GRM5: variants seen among roughly 807,000 people sequenced by gnomAD.
GRM5 encodes the protein metabotropic glutamate receptor 5.
A neutral mutation model predicts 83.1 loss-of-function variants in GRM5; 19 were observed. The ratio of observed to expected loss-of-function variants is 0.23; its 90% confidence interval spans 0.16 to 0.34. The LOEUF is 0.34. GRM5 is among the 10% of genes least tolerant of loss of function. The probability of loss-of-function intolerance (pLI) is 1.00; values close to 1 mark genes in which losing one functional copy is unlikely to be tolerated. For synonymous variants in GRM5, 675 were observed against 633.6 expected (o/e 1.07, Z -0.98); for missense variants, 1,160 against 1,588.3 (o/e 0.73, Z 4.58).
chr11:89,059,896 G>T (rs557832163), intron 1 of GRM5, among the ~76,000 whole-genome samples: 2 of 152,000 alleles, frequency 1.3e-5, no homozygotes, highest in South Asian at 2.1e-4. Flanking sequence ...TCTAACTTGT[G>T]CAATTTATTC....
At chr11:88,934,589 CAGT>C (rs932042093) in intron 2 of GRM5, among the ~76,000 whole-genome samples, 1 of 151,852 alleles carries the variant, frequency 6.6e-6, no homozygotes, top group African/African-American at 2.4e-5. Context: ...GTACTACATT[CAGT>C]TGTACATCGT....
chr11:88,896,495 CT>C (rs1201888652), intron 2 of GRM5, among the ~76,000 whole-genome samples: 35 of 23,170 alleles, frequency 1.5e-3, no homozygotes, highest in African/African-American at 5.4e-3. Context: ...AATCTATTAT[CT>C]ATCTATCTGT....
intron 3 of GRM5, among the ~76,000 whole-genome samples, chr11:88,838,985 T>C (rs1373335225): frequency 4.0e-5 from 3 of 74,314 alleles, no homozygotes; most frequent in Admixed American, 2.8e-4. Flanking sequence ...TTTCTAAACT[T>C]TTAAGCTATA....
rs533657168 is a variant in GRM5 at position 88,691,740 on chromosome 11, C to T, written c.912-38337G>A. 7.2e-5 allele frequency among the ~76,000 whole-genome samples: 11 copies of T among 152,256 alleles called. No individual in the cohort carries two copies. In the East Asian group the frequency reaches 9.6e-4, roughly 13 times the overall value. The stretch of plus-strand genomic sequence containing the variant: ...ACTTGTCTCTTTTCTATGACTTACA[C>T]GCCCCAAAACCAGGCATTTAATCAG... On this transcript the variant is annotated intron_variant, in intron 3 of 9. Transcript: ENST00000305447.
intron 3 of GRM5, among the ~76,000 whole-genome samples, chr11:88,798,892 C>A (rs1943337440): frequency 1.3e-5 from 2 of 148,512 alleles, no homozygotes; most frequent in Non-Finnish European, 3.0e-5. Flanking sequence ...CCAGGGAAGA[C>A]TCAAAAGGAG....
chr11:88,727,167 T>C (rs1317819937), intron 3 of GRM5, among the ~76,000 whole-genome samples: 1 of 152,146 alleles, frequency 6.6e-6, no homozygotes, highest in African/African-American at 2.4e-5. Context: ...AAGACGCACA[T>C]AGGCTCAAAA....
chr11:88,593,471 A>G (rs1022331320), intron 6 of GRM5, among the ~76,000 whole-genome samples: 1 of 151,890 alleles, frequency 6.6e-6, no homozygotes, highest in Non-Finnish European at 1.5e-5. Flanking sequence ...AGGTCAGCAG[A>G]TCGAGACCAT....
At chr11:88,547,954 A>T (rs1455540149) in intron 8 of GRM5, among the ~76,000 whole-genome samples, 1 of 152,168 alleles carries the variant, frequency 6.6e-6, no homozygotes, top group African/African-American at 2.4e-5. Context: ...CTACCAACTA[A>T]TGGAAATATT....
intron 4 of GRM5, among the ~76,000 whole-genome samples, chr11:88,609,765 T>A (rs1837041569): frequency 6.6e-6 from 1 of 152,246 alleles, no homozygotes; most frequent in South Asian, 2.1e-4. Flanking sequence ...TTTTTGTTTT[T>A]GTTGCAATTG....
At chr11:88,886,939 ATC>A (rs1945054047) in intron 2 of GRM5, among the ~76,000 whole-genome samples, 1 of 152,136 alleles carries the variant, frequency 6.6e-6, no homozygotes, top group Admixed American at 6.5e-5. Flanking sequence ...CACAGGGAGC[ATC>A]TCTCTCTGCC....
intron 7 of GRM5, among the ~76,000 whole-genome samples, chr11:88,585,381 G>C (rs1943291773): frequency 6.6e-6 from 1 of 152,220 alleles, no homozygotes; most frequent in South Asian, 2.1e-4. Context: ...AATTGGAACA[G>C]TGAAAGTGCT....
intron 1 of GRM5, among the ~76,000 whole-genome samples, chr11:89,064,444 G>C (rs1306463607): frequency 6.6e-6 from 1 of 152,130 alleles, no homozygotes; most frequent in East Asian, 1.9e-4. Flanking sequence ...CATTTCCACA[G>C]ACCTCTCAGC....
chr11:88,879,996 A>G (rs1334320300), intron 2 of GRM5, among the ~76,000 whole-genome samples: 1 of 152,136 alleles, frequency 6.6e-6, no homozygotes, highest in Non-Finnish European at 1.5e-5. Context: ...CCTTTAATGA[A>G]GTGGTTTGGG....
intron 3 of GRM5, among the ~76,000 whole-genome samples, chr11:88,830,862 G>A (rs1332415213): frequency 6.6e-6 from 1 of 152,152 alleles, no homozygotes; most frequent in Admixed American, 6.5e-5. Context: ...CACGAAGGTA[G>A]GCAAGGAAGA....
intron 2 of GRM5, among the ~76,000 whole-genome samples, chr11:88,995,713 C>T (rs1276201316): frequency 6.6e-6 from 1 of 152,060 alleles, no homozygotes; most frequent in East Asian, 1.9e-4. Context: ...AATCATTTGA[C>T]ATTTTCTAAA....
rs1382941339 is a variant in GRM5 at position 88,804,238 on chromosome 11, T to C, written c.911+45668A>G. Reference sequence around the variant, plus strand: ...GCTGCTATAAAGACACATGCACACGTATGTTTATTGTGGCATTATTCACAA... The same window carrying C: ...GCTGCTATAAAGACACATGCACACGCATGTTTATTGTGGCATTATTCACAA... On this transcript the variant is annotated intron_variant, in intron 3 of 9. Coordinates refer to ENST00000305447, the MANE Select transcript of GRM5 (RefSeq NM_001143831.3). Among the ~76,000 whole-genome samples, 4 of 146,454 alleles carry C rather than the reference T, an allele frequency of 2.7e-5. No individual in the cohort carries two copies. In the East Asian group the frequency reaches 8.0e-4, roughly 29 times the overall value.
intron 3 of GRM5, among the ~76,000 whole-genome samples, chr11:88,698,359 A>G (rs987027309): frequency 6.6e-6 from 1 of 152,156 alleles, no homozygotes; most frequent in Non-Finnish European, 1.5e-5. Flanking sequence ...CTCAGCATGT[A>G]TTGTTTCCTC....
intron 2 of GRM5, among the ~76,000 whole-genome samples, chr11:88,987,135 C>A (rs1306092278): frequency 2.6e-5 from 4 of 152,146 alleles, no homozygotes; most frequent in Admixed American, 6.5e-5. Context: ...ACAGTGGGCG[C>A]AGGTCAGTGG....
intron 3 of GRM5, among the ~76,000 whole-genome samples, chr11:88,741,602 A>G (rs1335571753): frequency 6.6e-6 from 1 of 152,130 alleles, no homozygotes; most frequent in Admixed American, 6.6e-5. Context: ...TTAGACCATG[A>G]CCAAGACATA....
Sources: gnomAD v4.1 joint callset for allele counts (sites outside exome capture counted in the v4.1 genomes callset) on GRCh38, gnomAD v4.1.1 for gene constraint, MANE v1.5 for transcripts, NCBI Gene and HGNC (gene_info 2026-07-23, HGNC 2026-07-21) for gene names.